PHACTR4: variants seen among roughly 807,000 people sequenced by gnomAD.
PHACTR4 encodes the protein phosphatase and actin regulator 4.
Under a neutral mutation model 72.7 loss-of-function variants are expected in PHACTR4, and 51 were observed. The ratio of observed to expected loss-of-function variants is 0.70; its 90% CI spans 0.56 to 0.89. PHACTR4 has a LOEUF of 0.89. Among genes scored for constraint, PHACTR4 ranks in the 40% least tolerant of loss-of-function variants. The pLI is 0.00. For synonymous variants in PHACTR4, 255 were observed against 302.5 expected (o/e 0.84, Z 1.63); for missense variants, 731 against 861.8 (o/e 0.85, Z 1.90).
chr1:28,444,205 T>C (rs1657258790), intron 2 of PHACTR4, among the ~76,000 whole-genome samples: 1 of 142,972 alleles, frequency 7.0e-6, no homozygotes, highest in Admixed American at 7.0e-5. Context: ...TTTAAAAAAA[T>C]ATATTTGGCT....
At chr1:28,453,823 G>A (rs1336626945) in intron 2 of PHACTR4, 33 of 876,298 alleles carry the variant, frequency 3.8e-5, no homozygotes, top group Non-Finnish European at 5.5e-5. Context: ...TGCTGACAGA[G>A]CACAAAAGGC....
chr1:28,453,629 G>C lies in PHACTR4; in HGVS notation c.17-5456G>C, dbSNP rs1355446181. The C allele has an allele frequency of 1.3e-5, 16 of 1,253,422 alleles. No individual in the cohort carries two copies. In the East Asian group the frequency reaches 3.8e-4, roughly 30 times the overall value. 77.6% of individuals were successfully genotyped at this position (1,253,422 alleles called of 1,614,324 possible). On this transcript the variant is annotated intron_variant, in intron 2 of 13. Coordinates refer to ENST00000373839, the MANE Select transcript of PHACTR4 (RefSeq NM_001048183.3). ...CTTCTACAGTGAGGTGAAACAAATA[G>C]AGAAGAGAGACTCGGTTCTAACATC...
chr1:28,490,866 A>C, intron 10 of PHACTR4, 85 bp from the exon 11 acceptor site: 2 of 1,331,088 alleles, frequency 1.5e-6, no homozygotes, highest in Non-Finnish European at 1.1e-6. Flanking sequence ...CAAAAAAGAA[A>C]TATCTGTAAT....
intron 8 of PHACTR4, among the ~76,000 whole-genome samples, chr1:28,477,993 C>T (rs1660031704): frequency 1.3e-5 from 2 of 151,988 alleles, no homozygotes; most frequent in Admixed American, 1.3e-4. Flanking sequence ...CGGCCTAGAT[C>T]TTATTTCTTC....
intron 9 of PHACTR4, among the ~76,000 whole-genome samples, chr1:28,488,439 G>T (rs191362230): frequency 6.6e-6 from 1 of 152,208 alleles, no homozygotes; most frequent in Non-Finnish European, 1.5e-5. Context: ...GGAGCTTGTA[G>T]TGAGCCGAGA....
chr1:28,375,529 AT>A (rs1054594051), intron 1 of PHACTR4, among the ~76,000 whole-genome samples: 2 of 151,740 alleles, frequency 1.3e-5, no homozygotes, highest in African/African-American at 2.4e-5. Context: ...AAAAAAAAAA[AT>A]TAAAAATCAG....
intron 2 of PHACTR4, among the ~76,000 whole-genome samples, chr1:28,440,499 C>T (rs1347301869): frequency 1.4e-5 from 2 of 140,986 alleles, no homozygotes; most frequent in Non-Finnish European, 3.0e-5. Context: ...GGGTTCACGC[C>T]ATTCTCCTGC....
intron 2 of PHACTR4, chr1:28,438,537 C>A: frequency 8.4e-7 from 1 of 1,187,820 alleles, no homozygotes; most frequent in Non-Finnish European, 1.2e-6. Context: ...GTTGATGATC[C>A]CAACTTTGAA....
At chr1:28,406,113 G>A (rs1207066170) in intron 1 of PHACTR4, among the ~76,000 whole-genome samples, 2 of 152,046 alleles carry the variant, frequency 1.3e-5, no homozygotes, top group Admixed American at 6.6e-5. Context: ...TAATAAATTT[G>A]ACTGATAAGA....
At chr1:28,423,405 C>G (rs1348407882) in intron 2 of PHACTR4, among the ~76,000 whole-genome samples, 2 of 125,318 alleles carry the variant, frequency 1.6e-5, no homozygotes, top group African/African-American at 6.3e-5. Context: ...CAAGATCCTG[C>G]CTCAAATAAA....
chr1:28,404,183 C>T lies in PHACTR4; in HGVS notation c.-38-3227C>T, dbSNP rs564481207. Among the ~76,000 whole-genome samples, 9 of 151,848 alleles carry T rather than the reference C, an allele frequency of 5.9e-5. No homozygotes were observed. In the East Asian group the frequency reaches 1.7e-3, roughly 29 times the overall value. Reference sequence around the variant, plus strand: ...TAGGCTTGTCTCAAACTTCTGACCTCAAGTGATCTGCCTGCCTTGTCCTCC... The same window carrying T: ...TAGGCTTGTCTCAAACTTCTGACCTTAAGTGATCTGCCTGCCTTGTCCTCC... On this transcript the variant is annotated intron_variant, in intron 1 of 13. Coordinates refer to ENST00000373839, the MANE Select transcript of PHACTR4 (RefSeq NM_001048183.3).
chr1:28,460,836 G>C (rs896052705), intron 4 of PHACTR4, among the ~76,000 whole-genome samples: 3 of 151,842 alleles, frequency 2.0e-5, no homozygotes, highest in Admixed American at 2.0e-4. Context: ...TAGAGATGAG[G>C]TTTCACCAAG....
chr1:28,486,372 A>C (rs1263928670), intron 9 of PHACTR4, among the ~76,000 whole-genome samples: 1 of 152,134 alleles, frequency 6.6e-6, no homozygotes, highest in East Asian at 1.9e-4. Flanking sequence ...AAAGGAAAGG[A>C]AATAAATACA....
intron 2 of PHACTR4, chr1:28,453,924 C>T (rs1658168484): frequency 1.3e-6 from 1 of 757,836 alleles, no homozygotes; most frequent in Non-Finnish European, 2.2e-6. Context: ...GAAAAGAATA[C>T]ATGGAACACG....
At chr1:28,449,484 ATAGT>A (rs1336450306) in intron 2 of PHACTR4, among the ~76,000 whole-genome samples, 5 of 152,264 alleles carry the variant, frequency 3.3e-5, no homozygotes, top group Admixed American at 2.0e-4. Context: ...TCTATAGCAA[ATAGT>A]TAATGAATAC....
intron 1 of PHACTR4, among the ~76,000 whole-genome samples, chr1:28,385,450 A>G (rs1652484174): frequency 6.6e-6 from 1 of 150,708 alleles, no homozygotes; most frequent in Non-Finnish European, 1.5e-5. Flanking sequence ...AGGCCGAGAC[A>G]GGAGAATTGC....
intron 1 of PHACTR4, 77 bp downstream of exon 1, chr1:28,369,902 C>T (rs1234374911): frequency 9.9e-6 from 4 of 402,458 alleles, no homozygotes; most frequent in East Asian, 1.1e-4. Context: ...GCTGCGGCCC[C>T]TTTCTTGGCT....
chr1:28,441,880 T>C (rs61783851), intron 2 of PHACTR4, among the ~76,000 whole-genome samples: 1 of 151,878 alleles, frequency 6.6e-6, no homozygotes, highest in African/African-American at 2.4e-5. Flanking sequence ...TAGTCCCAGC[T>C]ACTTGGGAAG....
chr1:28,442,891 G>T (rs895300431), intron 2 of PHACTR4, among the ~76,000 whole-genome samples: 1 of 152,048 alleles, frequency 6.6e-6, no homozygotes, highest in Admixed American at 6.6e-5. Context: ...TTAGATTAGG[G>T]TAATTAGCAT....
Sources: gnomAD v4.1 joint callset for allele counts (sites outside exome capture counted in the v4.1 genomes callset) on GRCh38, gnomAD v4.1.1 for gene constraint, MANE v1.5 for transcripts, NCBI Gene and HGNC (gene_info 2026-07-23, HGNC 2026-07-21) for gene names.